The following DTNB variants were observed in gnomAD, a reference collection of about 807,000 sequenced individuals.
DTNB encodes dystrobrevin beta.
Under a neutral mutation model 90.7 loss-of-function variants are expected in DTNB, and 63 were observed. That is an observed-to-expected ratio of 0.69 (90% CI 0.57 to 0.86). The LOEUF (loss-of-function observed/expected upper bound fraction) is 0.86. Ranked by LOEUF, DTNB falls within the 40% of genes least tolerant of loss-of-function variation. The pLI is 0.00. For missense variants in DTNB, 744 were observed against 807.1 expected (o/e 0.92, Z 0.95); for synonymous variants, 277 against 286.7 (o/e 0.97, Z 0.34).
chr2:25,561,732 T>C (rs2058294381), intron 8 of DTNB, among the ~76,000 whole-genome samples: 2 of 152,202 alleles, frequency 1.3e-5, no homozygotes, highest in South Asian at 4.1e-4. Context: ...ATCTGCCTGC[T>C]TCTGCTATGC....
intron 2 of DTNB, among the ~76,000 whole-genome samples, chr2:25,647,001 T>G (rs2079618591): frequency 6.6e-6 from 1 of 152,232 alleles, no homozygotes; most frequent in South Asian, 2.1e-4. Flanking sequence ...CATATTAGTT[T>G]TTTTCTAAAT....
chr2:25,476,450 T>C (rs548242122), intron 10 of DTNB, among the ~76,000 whole-genome samples: 3 of 152,336 alleles, frequency 2.0e-5, no homozygotes, highest in South Asian at 2.1e-4. Context: ...GTTCCTCTGA[T>C]GGAGTCTGGA....
chr2:25,425,790 T>A (rs758187302), intron 15 of DTNB, among the ~76,000 whole-genome samples: 2 of 152,210 alleles, frequency 1.3e-5, no homozygotes, highest in Non-Finnish European at 2.9e-5. Context: ...AGTATCCTGG[T>A]ATTGCTGCTA....
At chr2:25,501,735 CG>C (rs956337614) in intron 9 of DTNB, among the ~76,000 whole-genome samples, 1 of 151,884 alleles carries the variant, frequency 6.6e-6, no homozygotes, top group African/African-American at 2.4e-5. Flanking sequence ...GAAGGAGAGG[CG>C]ATAGTATCTA....
intron 1 of DTNB, among the ~76,000 whole-genome samples, chr2:25,670,377 T>C (rs1387281974): frequency 1.3e-5 from 2 of 152,202 alleles, no homozygotes; most frequent in African/African-American, 4.8e-5. Context: ...CTATACTGTT[T>C]TGAGTATCAG....
chr2:25,512,574 T>C (rs1370926853), intron 9 of DTNB, among the ~76,000 whole-genome samples: 2 of 152,208 alleles, frequency 1.3e-5, no homozygotes, highest in Non-Finnish European at 2.9e-5. Flanking sequence ...TAGCATTTTA[T>C]TGGATGATCA....
intron 14 of DTNB, 117 bp downstream of exon 14, chr2:25,432,769 G>T: frequency 9.5e-7 from 1 of 1,058,090 alleles, no homozygotes; most frequent in Non-Finnish European, 1.4e-6. Context: ...TCAGTGGTCT[G>T]CGCTCACAGG....
At chr2:25,653,451 G>C (rs2081371454) in intron 1 of DTNB, among the ~76,000 whole-genome samples, 1 of 144,176 alleles carries the variant, frequency 6.9e-6, no homozygotes, top group Non-Finnish European at 1.5e-5. Flanking sequence ...AAAAAAGAAA[G>C]AAGGAAAAGA....
chr2:25,415,816 C>T (rs2047773964), intron 16 of DTNB, among the ~76,000 whole-genome samples: 1 of 152,120 alleles, frequency 6.6e-6, no homozygotes, highest in African/African-American at 2.4e-5. Context: ...GACTGAAGCT[C>T]CTGGACCCTT....
chr2:25,413,871 G>A (rs1319257990), intron 16 of DTNB, among the ~76,000 whole-genome samples: 2 of 152,180 alleles, frequency 1.3e-5, no homozygotes, highest in Non-Finnish European at 2.9e-5. Flanking sequence ...TTCCACAATG[G>A]TTGAACTAGT....
chr2:25,387,407 C>G lies in DTNB; in HGVS notation c.1736-29G>C. The G allele has an allele frequency of 6.2e-7, 1 of 1,602,292 alleles. No individual in the cohort carries two copies. The highest frequency in any genetic ancestry group is 8.5e-7 in the Non-Finnish European group (1 of 1,171,256). On this transcript the variant is annotated intron_variant, in intron 17 of 20. Transcript: ENST00000406818. The surrounding 1 kb of genome is among the most constrained non-coding windows in gnomAD (Gnocchi z 4.5). ...AGGAGAGGCAGAGCAGATGGGGATG[C>G]CAGGGTGGGTGAGCGTGGAGAAGAG...
chr2:25,484,484 A>C (rs1051569018), intron 9 of DTNB, among the ~76,000 whole-genome samples: 1 of 152,220 alleles, frequency 6.6e-6, no homozygotes, highest in Non-Finnish European at 1.5e-5. Context: ...TCAAGGGGAA[A>C]TATTTCAGGG....
chr2:25,419,414 C>A (rs2048780763), intron 16 of DTNB, 101 bp downstream of exon 16: 1 of 1,533,162 alleles, frequency 6.5e-7, no homozygotes, highest in South Asian at 1.2e-5. Context: ...AAACCCTCTT[C>A]AGAGATGATG....
intron 16 of DTNB, among the ~76,000 whole-genome samples, chr2:25,402,894 A>G (rs1415371628): frequency 6.6e-6 from 1 of 152,268 alleles, no homozygotes; most frequent in Non-Finnish European, 1.5e-5. Flanking sequence ...AGAATTAAAG[A>G]GTGAGGGCAA....
intron 8 of DTNB, among the ~76,000 whole-genome samples, chr2:25,561,519 C>A (rs2058256114): frequency 6.6e-6 from 1 of 152,202 alleles, no homozygotes; most frequent in Non-Finnish European, 1.5e-5. Context: ...TGGGTCCCCT[C>A]CAAATCTCAT....
intron 1 of DTNB, among the ~76,000 whole-genome samples, chr2:25,658,849 T>C (rs2082580618): frequency 6.6e-6 from 1 of 152,204 alleles, no homozygotes; most frequent in Admixed American, 6.5e-5. Flanking sequence ...GGTGGAAACA[T>C]GACACTATGT....
chr2:25,637,965 C>T (rs1383658589), intron 3 of DTNB, among the ~76,000 whole-genome samples: 1 of 152,146 alleles, frequency 6.6e-6, no homozygotes, highest in Non-Finnish European at 1.5e-5. Context: ...AACTCAAATG[C>T]CCATCAATGA....
intron 9 of DTNB, among the ~76,000 whole-genome samples, chr2:25,522,504 G>A (rs573610501): frequency 7.2e-5 from 11 of 152,000 alleles, no homozygotes; most frequent in African/African-American, 1.5e-4. Context: ...GGAATTCGGC[G>A]GAGAACAAGA....
intron 8 of DTNB, among the ~76,000 whole-genome samples, chr2:25,559,390 C>T (rs1366852245): frequency 6.6e-6 from 1 of 152,184 alleles, no homozygotes; most frequent in Non-Finnish European, 1.5e-5. Flanking sequence ...CTTTCTTTCT[C>T]ACACCCCTCA....
Sources: allele counts gnomAD v4.1 joint callset (sites outside exome capture counted in the v4.1 genomes callset), GRCh38; gene constraint gnomAD v4.1.1; non-coding constraint Gnocchi (gnomAD v3.1); transcripts MANE v1.5; gene names NCBI Gene and HGNC (gene_info 2026-07-23, HGNC 2026-07-21).